Variants in RPS6KC1 observed in about 807,000 individuals in gnomAD.
The protein encoded by RPS6KC1 is ribosomal protein S6 kinase C1, also known as inactive ribosomal protein S6 kinase delta-1.
In RPS6KC1, 54 loss-of-function variants were observed where a neutral mutation model predicts 103.8. The observed-to-expected ratio is 0.52, with a 90% CI of 0.42 to 0.65. RPS6KC1 has a LOEUF of 0.65. RPS6KC1 is among the 30% of genes least tolerant of loss of function. The pLI, the probability that RPS6KC1 is intolerant of heterozygous loss-of-function variation, is 0.00. For synonymous variants in RPS6KC1, 439 were observed against 438.7 expected (o/e 1.00, Z -0.01); for missense variants, 1,151 against 1,253.8 (o/e 0.92, Z 1.24).
At chr1:213,411,772 C>T in the RPS6KC1 span, among the ~76,000 whole-genome samples, 2 of 152,256 alleles carry the variant, frequency 1.3e-5, no homozygotes, top group Non-Finnish European at 1.5e-5. Flanking sequence ...TGCATTTCTA[C>T]AGCCTGGGCT....
chr1:213,833,894 G>T, the RPS6KC1 span, among the ~76,000 whole-genome samples: 29 of 152,264 alleles, frequency 1.9e-4, no homozygotes, highest in Non-Finnish European at 4.4e-5. Context: ...GCATACCACA[G>T]AACTTATCTT....
chr1:213,150,459 G>A (rs971641746), intron 6 of RPS6KC1, among the ~76,000 whole-genome samples: 4 of 148,624 alleles, frequency 2.7e-5, no homozygotes, highest in Non-Finnish European at 4.5e-5. Context: ...AGGACCCTGC[G>A]GCCTTCCGCA....
chr1:213,520,817 C>A, the RPS6KC1 span, among the ~76,000 whole-genome samples: 1 of 152,104 alleles, frequency 6.6e-6, no homozygotes, highest in Admixed American at 6.5e-5. Flanking sequence ...TGCTCTCTTT[C>A]TTAAAACAAA....
At chr1:213,223,628 G>T (rs2093889838) in intron 8 of RPS6KC1, among the ~76,000 whole-genome samples, 1 of 152,100 alleles carries the variant, frequency 6.6e-6, no homozygotes, top group South Asian at 2.1e-4. Context: ...CACTTAGGTT[G>T]GTTCGGTATC....
At chr1:213,632,514 A>C in the RPS6KC1 span, among the ~76,000 whole-genome samples, 1 of 152,376 alleles carries the variant, frequency 6.6e-6, no homozygotes, top group Non-Finnish European at 1.5e-5. Flanking sequence ...AACAAAAAGG[A>C]CATCCACACC....
At chr1:213,223,958 AG>A (rs2093899313) in intron 8 of RPS6KC1, among the ~76,000 whole-genome samples, 1 of 152,202 alleles carries the variant, frequency 6.6e-6, no homozygotes, top group African/African-American at 2.4e-5. Context: ...AGTTATTTTC[AG>A]GGACTTCCAG....
chr1:213,120,835 C>T (rs752863624), intron 5 of RPS6KC1, among the ~76,000 whole-genome samples: 3 of 152,118 alleles, frequency 2.0e-5, no homozygotes, highest in Non-Finnish European at 4.4e-5. Context: ...GATCACTTCT[C>T]AGAGAACAGA....
chr1:213,357,580 G>C, the RPS6KC1 span, among the ~76,000 whole-genome samples: 386 of 152,310 alleles, frequency 2.5e-3, 2 homozygotes, highest in African/African-American at 8.3e-3. Context: ...GACCAGCAGG[G>C]CTCTGGGCCA....
At chr1:213,780,778 C>G in the RPS6KC1 span, among the ~76,000 whole-genome samples, 5 of 152,254 alleles carry the variant, frequency 3.3e-5, no homozygotes, top group East Asian at 7.7e-4. Context: ...AATTCCAACA[C>G]TTTGGGAGGC....
chr1:213,229,141 T>C (rs2094028134), intron 8 of RPS6KC1, among the ~76,000 whole-genome samples: 1 of 152,122 alleles, frequency 6.6e-6, no homozygotes, highest in African/African-American at 2.4e-5. Context: ...TGTGAGAATA[T>C]TGTATTGAAA....
the RPS6KC1 span, among the ~76,000 whole-genome samples, chr1:213,823,726 C>CACACACACACACACACACA: frequency 1.4e-5 from 2 of 146,384 alleles, no homozygotes; most frequent in East Asian, 2.0e-4. Flanking sequence ...GCTATCACAG[C>CACACACACACACACACACA]CACACACACA....
intron 2 of RPS6KC1, 83 bp from the exon 3 acceptor site, chr1:213,077,613 C>A: frequency 2.4e-6 from 2 of 818,788 alleles, no homozygotes; most frequent in Non-Finnish European, 3.6e-6. Flanking sequence ...CAATTTTGAA[C>A]ACTTTAATGA....
the RPS6KC1 span, among the ~76,000 whole-genome samples, chr1:213,672,969 C>T: frequency 6.6e-6 from 1 of 152,194 alleles, no homozygotes; most frequent in Non-Finnish European, 1.5e-5. Flanking sequence ...GAAAAATTAT[C>T]AAAATCTGTC....
At chr1:213,540,744 A>G in the RPS6KC1 span, among the ~76,000 whole-genome samples, 1 of 152,214 alleles carries the variant, frequency 6.6e-6, no homozygotes, top group Non-Finnish European at 1.5e-5. Flanking sequence ...ATACTGTTAG[A>G]TAACATTTTA....
chr1:213,484,642 T>C, the RPS6KC1 span, among the ~76,000 whole-genome samples: 1 of 152,330 alleles, frequency 6.6e-6, no homozygotes, highest in African/African-American at 2.4e-5. Context: ...ATTAAAGGAA[T>C]GAGGGTTACA....
the RPS6KC1 span, among the ~76,000 whole-genome samples, chr1:213,767,737 T>G: frequency 4.1e-4 from 62 of 152,304 alleles, no homozygotes; most frequent in Non-Finnish European, 7.2e-4. Context: ...AGCAGCCCTC[T>G]TCATGGAAGA....
the RPS6KC1 span, among the ~76,000 whole-genome samples, chr1:213,667,040 G>A: frequency 0.3 from 46,183 of 152,104 alleles, 8,684 homozygotes; most frequent in South Asian, 0.45. Context: ...GGTTTCATCA[G>A]TGAGGTGGGC....
the RPS6KC1 span, among the ~76,000 whole-genome samples, chr1:213,431,013 G>A: frequency 1.1e-4 from 16 of 152,202 alleles, no homozygotes; most frequent in African/African-American, 3.9e-4. Context: ...AAATGGGTTG[G>A]GGGTGGGGGA....
chr1:213,077,007 T>C (rs1483237567), intron 2 of RPS6KC1, among the ~76,000 whole-genome samples: 1 of 152,046 alleles, frequency 6.6e-6, no homozygotes, highest in Non-Finnish European at 1.5e-5. Context: ...GTAGCTGGGA[T>C]TACAGGCGTC....
Sources: allele counts gnomAD v4.1 joint callset (sites outside exome capture counted in the v4.1 genomes callset), GRCh38; gene constraint gnomAD v4.1.1; transcripts MANE v1.5; gene names NCBI Gene and HGNC (gene_info 2026-07-23, HGNC 2026-07-21).